CADM2: variants seen among roughly 807,000 people sequenced by gnomAD.
CADM2 encodes the protein cell adhesion molecule 2.
Under a neutral mutation model 49.8 loss-of-function variants are expected in CADM2, and 12 were observed. The ratio of observed to expected loss-of-function variants is 0.24; its 90% confidence interval spans 0.15 to 0.39. The LOEUF (loss-of-function observed/expected upper bound fraction) is 0.39. Among genes scored for constraint, CADM2 ranks in the 10% least tolerant of loss-of-function variants. The pLI, the probability that CADM2 is intolerant of heterozygous loss-of-function variation, is 1.00. For missense variants in CADM2, 378 were observed against 492.3 expected (o/e 0.77, Z 2.20); for synonymous variants, 214 against 175.4 (o/e 1.22, Z -1.74).
chr3:85,701,665 A>G (rs1467548388), intron 1 of CADM2, among the ~76,000 whole-genome samples: 1 of 152,130 alleles, frequency 6.6e-6, no homozygotes, highest in Non-Finnish European at 1.5e-5. Context: ...TAGATTCTAC[A>G]TATTTACCAA....
chr3:85,435,296 C>A (rs945940349), intron 1 of CADM2, among the ~76,000 whole-genome samples: 2 of 152,032 alleles, frequency 1.3e-5, no homozygotes, highest in African/African-American at 4.8e-5. Flanking sequence ...TGTTACTTTG[C>A]TGAGAATGAT....
intron 1 of CADM2, among the ~76,000 whole-genome samples, chr3:85,615,265 G>A (rs751199792): frequency 2.6e-5 from 4 of 151,802 alleles, no homozygotes; most frequent in African/African-American, 4.8e-5. Flanking sequence ...GAAAGAAAAA[G>A]GAAGGAAGGA....
intron 1 of CADM2, among the ~76,000 whole-genome samples, chr3:84,998,550 T>G (rs1296419090): frequency 6.6e-6 from 1 of 152,160 alleles, no homozygotes; most frequent in African/African-American, 2.4e-5. Flanking sequence ...GAAATTTTAT[T>G]TTTTTAATGT....
chr3:85,931,060 G>T (rs1409958861), intron 6 of CADM2, among the ~76,000 whole-genome samples: 2 of 151,886 alleles, frequency 1.3e-5, no homozygotes, highest in Admixed American at 6.6e-5. Flanking sequence ...ATACCAAAAT[G>T]ATGATAAGAT....
intron 1 of CADM2, among the ~76,000 whole-genome samples, chr3:85,296,686 A>G (rs1321695244): frequency 1.3e-5 from 2 of 152,100 alleles, no homozygotes; most frequent in East Asian, 3.9e-4. Flanking sequence ...TTCCAGCTTC[A>G]TTCTCATTAT....
rs182365880 is a variant in CADM2, at chr3:85,200,686, G to A, written c.61+241018G>A. On this transcript the variant is annotated intron_variant, in intron 1 of 9. Coordinates refer to ENST00000383699, the MANE Select transcript of CADM2 (RefSeq NM_001167675.2). ...AGTGGTATTCTAAACAGGCTAAGTG[G>A]TATTCTATGTCCATTATTTAGCAGA... 2.1e-3 allele frequency among the ~76,000 whole-genome samples: 313 copies of A among 152,170 alleles called. 1 individual carries two copies. The highest frequency in any genetic ancestry group is 7.1e-3 in the African/African-American group (296 of 41,532).
chr3:85,412,534 G>GTT (rs11360883), intron 1 of CADM2, among the ~76,000 whole-genome samples: 8 of 145,524 alleles, frequency 5.5e-5, no homozygotes, highest in African/African-American at 2.0e-4. Flanking sequence ...TATGTAATTC[G>GTT]TTTTTTTTTT....
At chr3:85,060,373 C>A (rs140294907) in intron 1 of CADM2, among the ~76,000 whole-genome samples, 1 of 151,986 alleles carries the variant, frequency 6.6e-6, no homozygotes, top group Non-Finnish European at 1.5e-5. Flanking sequence ...GTGATCCACC[C>A]GCCTCAATCT....
chr3:85,490,848 TAA>T (rs879568855), intron 1 of CADM2, among the ~76,000 whole-genome samples: 7 of 139,294 alleles, frequency 5.0e-5, no homozygotes, highest in African/African-American at 7.9e-5. Context: ...GTTCTGAGAG[TAA>T]AAAAAAAAAA....
intron 1 of CADM2, among the ~76,000 whole-genome samples, chr3:85,112,685 T>A (rs967159119): frequency 2.6e-5 from 4 of 151,812 alleles, no homozygotes; most frequent in Non-Finnish European, 5.9e-5. Context: ...TCTTGAGGAT[T>A]CAGGGTGAAT....
At chr3:85,212,131 T>A (rs1040842978) in intron 1 of CADM2, among the ~76,000 whole-genome samples, 6 of 152,118 alleles carry the variant, frequency 3.9e-5, no homozygotes, top group Non-Finnish European at 5.9e-5. Context: ...TACATGGAAA[T>A]TTTTTTCTAT....
At chr3:85,452,516 A>T (rs2107570896) in intron 1 of CADM2, among the ~76,000 whole-genome samples, 1 of 152,120 alleles carries the variant, frequency 6.6e-6, no homozygotes, top group Middle Eastern at 3.4e-3. Flanking sequence ...AATTTATTGC[A>T]TGTTTTCCAA....
intron 5 of CADM2, 51 bp downstream of exon 5, chr3:85,886,378 A>G (rs1408601491): frequency 7.2e-7 from 1 of 1,392,646 alleles, no homozygotes; most frequent in Admixed American, 1.8e-5. Context: ...AACCAGTATG[A>G]CATGTTAAGA....
At chr3:85,610,150 A>G (rs2063641256) in intron 1 of CADM2, among the ~76,000 whole-genome samples, 1 of 151,990 alleles carries the variant, frequency 6.6e-6, no homozygotes, top group Non-Finnish European at 1.5e-5. Flanking sequence ...TATCTATTTT[A>G]TAATTACCTA....
At chr3:85,827,914 T>C (rs2073999508) in intron 3 of CADM2, 1 of 151,960 alleles carries the variant, frequency 6.6e-6, no homozygotes, top group Non-Finnish European at 1.5e-5. Context: ...TGTTTTCATT[T>C]GCTTGTCTGA....
At chr3:84,987,327 A>G (rs763930679) in intron 1 of CADM2, among the ~76,000 whole-genome samples, 5 of 152,026 alleles carry the variant, frequency 3.3e-5, no homozygotes, top group African/African-American at 9.7e-5. Context: ...GCCAAATGCC[A>G]TTTTCAATGA....
At chr3:85,126,222 T>G (rs1037955069) in intron 1 of CADM2, among the ~76,000 whole-genome samples, 5 of 152,136 alleles carry the variant, frequency 3.3e-5, no homozygotes, top group Non-Finnish European at 7.4e-5. Flanking sequence ...TTATAATAGG[T>G]AGAATCAGTG....
At chr3:85,151,145 T>A (rs1419000848) in intron 1 of CADM2, among the ~76,000 whole-genome samples, 3 of 152,078 alleles carry the variant, frequency 2.0e-5, no homozygotes, top group Admixed American at 1.3e-4. Flanking sequence ...CTGAGCCTAG[T>A]CTCCATGATC....
chr3:86,028,207 A>C (rs895740356), intron 8 of CADM2, among the ~76,000 whole-genome samples: 2 of 151,284 alleles, frequency 1.3e-5, no homozygotes, highest in African/African-American at 4.9e-5. Context: ...ATAATAAATA[A>C]ATAAAAAAAA....
Sources: allele counts gnomAD v4.1 joint callset (sites outside exome capture counted in the v4.1 genomes callset), GRCh38; gene constraint gnomAD v4.1.1; transcripts MANE v1.5; gene names NCBI Gene and HGNC (gene_info 2026-07-23, HGNC 2026-07-21).